The following OCEL1 variants were observed in gnomAD, a reference collection of about 807,000 sequenced individuals.
OCEL1 encodes occludin/ELL domain containing 1, also known as occludin/ELL domain-containing protein 1.
Under a neutral mutation model 29.4 loss-of-function variants are expected in OCEL1, and 24 were observed. That is an observed-to-expected ratio of 0.82 (90% CI 0.59 to 1.15). OCEL1 has a LOEUF of 1.15. Ranked by LOEUF, OCEL1 falls within the 50% of genes most tolerant of loss-of-function variation. The pLI, the probability that OCEL1 is intolerant of heterozygous loss-of-function variation, is 0.00. For missense variants in OCEL1, 402 were observed against 352.5 expected, an observed-to-expected ratio of 1.14 and a Z score of -1.13; for synonymous variants, 172 against 145.3, an observed-to-expected ratio of 1.18 and a Z score of -1.32.
In OCEL1 at chr19:17,226,977, C is replaced by A; in HGVS notation, c.247-17C>A. ...CCGACACCCCGATTTAACTCCAGAC[C>A]ACGATTCCTGTGGCAGCTGCAGGGA... On this transcript the variant is annotated splice_polypyrimidine_tract_variant and intron_variant, in intron 2 of 5. Coordinates refer to ENST00000215061, the MANE Select transcript of OCEL1 (RefSeq NM_024578.3). 6.4e-7 allele frequency: 1 copy of A among 1,567,566 alleles called. No individual in the cohort carries two copies. The highest frequency in any genetic ancestry group is 8.6e-7 in the Non-Finnish European group (1 of 1,162,484).
intron 2 of OCEL1, 42 bp downstream of exon 2, chr19:17,226,911 G>A: frequency 6.6e-7 from 1 of 1,514,644 alleles, no homozygotes; most frequent in Non-Finnish European, 8.8e-7. Flanking sequence ...GGGCCTCTAG[G>A]CAAAAGATTT....
Position 17,229,174 on chromosome 19 carries a change from G to A in OCEL1, c.*249G>A, listed in dbSNP as rs2073391236. The A allele has an allele frequency of 5.6e-6, 2 of 358,882 alleles. No homozygotes were observed. Among genetic ancestry groups the A allele is most frequent in the Non-Finnish European group, 1.0e-5 (2 of 190,628 alleles). 22.2% of individuals were successfully genotyped at this position (358,882 alleles called of 1,614,324 possible). A position where few individuals can be genotyped will look rare whatever the true frequency, so the allele number is the denominator to read the frequency against. On this transcript the variant is annotated 3_prime_UTR_variant, in exon 6 of 6. Transcript: ENST00000215061. ...GATCTCAACCTGTTCCCTGGAAGTA[G>A]GGCCTGCTCTCCATCCCAGTGAAAT...
At position 17,227,040 on chromosome 19, in the gene OCEL1, C is replaced by T. The variant is rs1193404052; in HGVS notation, c.293C>T (p.Pro98Leu). Residue 98 changes from proline (P) to leucine (L), a missense_variant, in exon 3 of 6, where the codon CCT becomes CTT. Coordinates refer to ENST00000215061, the MANE Select transcript of OCEL1 (RefSeq NM_024578.3). ...GGCCTCAAAACCAGCGCCCCCCGCC[C>T]TCCGTGCCAGCCCCAGCCGGGACCC... ...PRGLKTSAPRPPCQPQPGPHK... is the reference protein window; with the variant it reads ...PRGLKTSAPRLPCQPQPGPHK... 1.9e-6 allele frequency: 3 copies of T among 1,606,134 alleles called. No homozygotes were observed. Among genetic ancestry groups the T allele is most frequent in the Admixed American group, 3.5e-5 (2 of 56,988 alleles).
intron 5 of OCEL1, 158 bp downstream of exon 5, chr19:17,228,467 C>T (rs2073383419): frequency 2.7e-6 from 2 of 729,262 alleles, no homozygotes; most frequent in Non-Finnish European, 4.4e-6. Flanking sequence ...CTCACTGCAA[C>T]CTCAGCGTCC....
chr19:17,229,077 G>A lies in OCEL1; in HGVS notation c.*152G>A. On this transcript the variant is annotated 3_prime_UTR_variant, in exon 6 of 6. Coordinates refer to ENST00000215061, the MANE Select transcript of OCEL1 (RefSeq NM_024578.3). ...CTTCAGTTTGGACTCAGCTCTGACA[G>A]CCCCTCCTCCAGGAAGGCCTTCCAG... 1 of 834,890 alleles carries A rather than the reference G, an allele frequency of 1.2e-6. No homozygotes were observed. Among genetic ancestry groups the A allele is most frequent in the Admixed American group, 3.0e-5 (1 of 33,366 alleles). The allele number at this position is 834,890 out of a possible 1,614,324, so 51.7% of individuals were successfully genotyped here. A position where few individuals can be genotyped will look rare whatever the true frequency, so the allele number is the denominator to read the frequency against.
Position 17,226,741 on chromosome 19 carries a change from A to C in OCEL1, c.118A>C (p.Arg40=), listed in dbSNP as rs1269130925. The part of the protein sequence containing the change: ...PPRAGHDAPR[R]TRPSARKPLS... Reference sequence around the variant, plus strand: ...GCGCGCGGGACACGACGCCCCCCGCAGGACCCGCCCATCAGCCCGGAAACC... The same window carrying C: ...GCGCGCGGGACACGACGCCCCCCGCCGGACCCGCCCATCAGCCCGGAAACC... The change falls in exon 2 of 6, where the codon AGG becomes CGG. Residue 40 remains arginine, a synonymous_variant. Coordinates refer to ENST00000215061, the MANE Select transcript of OCEL1 (RefSeq NM_024578.3). 2.6e-6 allele frequency: 4 copies of C among 1,557,568 alleles called. No homozygotes were observed. Among genetic ancestry groups the C allele is most frequent in the Non-Finnish European group, 3.5e-6 (4 of 1,158,610 alleles).
chr19:17,227,674 G>C lies in OCEL1; in HGVS notation c.453-166G>C, dbSNP rs1185820778. 2.6e-5 allele frequency among the ~76,000 whole-genome samples: 4 copies of C among 152,176 alleles called. No homozygotes were observed. The South Asian group carries it at 6.2e-4, about 24-fold the overall frequency. ...ACACTGCACTCCAGCCTGGACAACA[G>C]AGCAAGACTCTATCTCAAAAAATAA... On this transcript the variant is annotated intron_variant, in intron 3 of 5. Transcript: ENST00000215061.
chr19:17,227,047 C>T lies in OCEL1; in HGVS notation c.300C>T (p.Cys100=). ...GLKTSAPRPP[C]QPQPGPHKAK... is the part of the protein sequence containing the mutation. Reference sequence around the variant, plus strand: ...AAACCAGCGCCCCCCGCCCTCCGTGCCAGCCCCAGCCGGGACCCCACAAGG... The same window carrying T: ...AAACCAGCGCCCCCCGCCCTCCGTGTCAGCCCCAGCCGGGACCCCACAAGG... The change falls in exon 3 of 6, where the codon TGC becomes TGT. Residue 100 remains cysteine (C), a synonymous_variant. Transcript: ENST00000215061. 2 of 1,608,124 alleles carry T rather than the reference C, an allele frequency of 1.2e-6. No individual in the cohort carries two copies. Among genetic ancestry groups the T allele is most frequent in the South Asian group, 2.2e-5 (2 of 90,254 alleles).
intron 4 of OCEL1, 25 bp downstream of exon 4, chr19:17,228,030 C>A (rs769054861): frequency 1.2e-6 from 2 of 1,608,354 alleles, no homozygotes; most frequent in African/African-American, 2.7e-5. Context: ...GAAAGCCCTG[C>A]CCCGCAGCCC....
rs764881980 is a variant in OCEL1 at position 17,227,915 on chromosome 19, C to T, written c.528C>T (p.Phe176=). Residue 176 remains phenylalanine, a synonymous_variant, in exon 4 of 6, where the codon TTC becomes TTT. Coordinates refer to ENST00000215061, the MANE Select transcript of OCEL1 (RefSeq NM_024578.3). ...TGTTCCAGGACCAGTACGGAGAGTTCTTGGAGCTCCAGCACGAGGTGGGGT... is the reference window on the plus strand; with the variant it reads ...TGTTCCAGGACCAGTACGGAGAGTTTTTGGAGCTCCAGCACGAGGTGGGGT... The part of the protein sequence containing the change: ...VAVFQDQYGE[F]LELQHEVGCA... The T allele has an allele frequency of 6.2e-7, 1 of 1,613,764 alleles. No homozygotes were observed. Among genetic ancestry groups the T allele is most frequent in the Non-Finnish European group, 8.5e-7 (1 of 1,180,026 alleles).
chr19:17,228,071 C>T, intron 4 of OCEL1, 66 bp downstream of exon 4: 2 of 1,580,694 alleles, frequency 1.3e-6, no homozygotes, highest in Non-Finnish European at 1.7e-6. Flanking sequence ...GCCTCTGGGA[C>T]ACCCACTGGG....
intron 5 of OCEL1, chr19:17,228,523 A>G (rs2073384005): frequency 1.6e-6 from 1 of 617,224 alleles, no homozygotes; most frequent in Non-Finnish European, 2.7e-6. Flanking sequence ...ACAGGCGCCC[A>G]CCACCGTGCC....
At chr19:17,228,043 C>CT (rs1272088473) in intron 4 of OCEL1, 38 bp downstream of exon 4, 6 of 1,604,688 alleles carry the variant, frequency 3.7e-6, no homozygotes, top group Non-Finnish European at 5.1e-6. Context: ...CGCAGCCCTT[C>CT]TGAGTGGCCC....
rs779654809 is a variant in OCEL1 at position 17,228,268 on chromosome 19, G to A, written c.631G>A (p.Val211Ile). ...PPPQSQKEAQ[V>I]AARVWREFEM... ...CCTCCCCTTGCAGAAGGAGGCCCAA[G>A]TTGCAGCCCGGGTTTGGAGGGAGTT... Residue 211 changes from valine to isoleucine, a missense_variant, in exon 5 of 6, where the codon GTT becomes ATT. Val to Ile is a conservative substitution (Grantham distance 29, BLOSUM62 3). Transcript: ENST00000215061. 2 of 1,614,118 alleles carry A rather than the reference G, an allele frequency of 1.2e-6. No homozygotes were observed. The highest frequency in any genetic ancestry group is 1.7e-5 in the Admixed American group (1 of 60,000).
chr19:17,226,596 C>A, intron 1 of OCEL1, 97 bp from the exon 2 acceptor site: 1 of 1,298,690 alleles, frequency 7.7e-7, no homozygotes, highest in East Asian at 2.6e-5. Flanking sequence ...ACTCTGCTCC[C>A]GCGGGGTGAG....
In OCEL1 at chr19:17,227,062, A is replaced by T; in HGVS notation, c.315A>T (p.Gly105=). 1 of 1,605,928 alleles carries T rather than the reference A, an allele frequency of 6.2e-7. No individual in the cohort carries two copies. Among genetic ancestry groups the T allele is most frequent in the Non-Finnish European group, 8.5e-7 (1 of 1,178,234 alleles). ...GCCCTCCGTGCCAGCCCCAGCCGGG[A>T]CCCCACAAGGCAAAGACCAAGAAGA... is the stretch of plus-strand genomic sequence containing the variant. ...APRPPCQPQP[G]PHKAKTKKIV... Residue 105 remains glycine, a synonymous_variant, in exon 3 of 6, where the codon GGA becomes GGT. Transcript: ENST00000215061.
intron 1 of OCEL1, 93 bp from the exon 2 acceptor site, chr19:17,226,600 G>T: frequency 7.6e-7 from 1 of 1,307,428 alleles, no homozygotes; most frequent in Non-Finnish European, 1.0e-6. Flanking sequence ...TGCTCCCGCG[G>T]GGTGAGAGTT....
At position 17,227,123 on chromosome 19, in the gene OCEL1, C is replaced by CT; in HGVS notation, c.377dup (p.Ala128ArgfsTer10). The stretch of plus-strand genomic sequence containing the variant: ...GGATGAGTTGCTCTCCCAGGCCCTC[C>CT]TGGGCGCCAAGAAGCCTATTGGAGC... On this transcript the variant is annotated frameshift_variant, in exon 3 of 6. Coordinates refer to ENST00000215061, the MANE Select transcript of OCEL1 (RefSeq NM_024578.3). LOFTEE classifies it high-confidence loss of function. 6.2e-7 allele frequency: 1 copy of CT among 1,601,978 alleles called. No individual in the cohort carries two copies. The highest frequency in any genetic ancestry group is 8.5e-7 in the Non-Finnish European group (1 of 1,176,968).
At chr19:17,228,056 C>T (rs2073378505) in intron 4 of OCEL1, 51 bp downstream of exon 4, 1 of 1,596,336 alleles carries the variant, frequency 6.3e-7, no homozygotes, top group Non-Finnish European at 8.5e-7. Flanking sequence ...AGTGGCCCGA[C>T]CCAAGCCTCT....
Sources: allele counts gnomAD v4.1 joint callset (sites outside exome capture counted in the v4.1 genomes callset), GRCh38; gene constraint gnomAD v4.1.1; transcripts MANE v1.5; gene names NCBI Gene and HGNC (gene_info 2026-07-23, HGNC 2026-07-21).